AGMO: variants seen among roughly 807,000 people sequenced by gnomAD.
AGMO encodes the protein alkylglycerol monooxygenase.
AGMO carries 75 observed loss-of-function variants against 60.2 expected under a neutral mutation model. That is an observed-to-expected ratio of 1.25 (90% CI 1.03 to 1.51). The LOEUF (loss-of-function observed/expected upper bound fraction) is 1.51, where lower values mean the gene tolerates loss of function less well. Among genes scored for constraint, AGMO ranks in the 40% most tolerant of loss-of-function variants. AGMO has a pLI of 0.00. For missense variants in AGMO, 763 were observed against 525.5 expected (o/e 1.45, Z -4.42); for synonymous variants, 261 against 177.1 (o/e 1.47, Z -3.76).
chr7:15,218,063 T>G (rs1369486951), intron 12 of AGMO, among the ~76,000 whole-genome samples: 1 of 151,964 alleles, frequency 6.6e-6, no homozygotes, highest in Non-Finnish European at 1.5e-5. Flanking sequence ...AATTATTAAA[T>G]TTATCAATAA....
chr7:15,291,739 T>C (rs1425949668), intron 12 of AGMO, among the ~76,000 whole-genome samples: 4 of 152,082 alleles, frequency 2.6e-5, no homozygotes, highest in South Asian at 2.1e-4. Flanking sequence ...GATGAACATA[T>C]AAATGCATCG....
Position 15,394,134 on chromosome 7 carries a change from T to C in AGMO, c.655A>G (p.Ser219Gly). ...GPLELILNTP[S>G]HHRVHHGRNR... is the part of the protein sequence containing the mutation. ...TTACCATGATGAACCCTATGATGGC[T>C]AGGAGTATTAAGAATCAGTTCCAAA... Residue 219 changes from serine to glycine, a missense_variant, in exon 6 of 13, where the codon AGC (serine) becomes GGC (glycine). Coordinates refer to ENST00000342526, the MANE Select transcript of AGMO (RefSeq NM_001004320.2). 1 of 1,612,168 alleles carries C rather than the reference T, an allele frequency of 6.2e-7. No homozygotes were observed. The highest frequency in any genetic ancestry group is 2.2e-5 in the East Asian group (1 of 44,826).
At chr7:15,405,966 A>G (rs1784673850) in intron 5 of AGMO, among the ~76,000 whole-genome samples, 1 of 151,872 alleles carries the variant, frequency 6.6e-6, no homozygotes, top group Admixed American at 6.6e-5. Context: ...TTGGCAAATT[A>G]ATTTCCATCA....
At chr7:15,543,754 C>A (rs1335091816) in intron 3 of AGMO, among the ~76,000 whole-genome samples, 2 of 151,820 alleles carry the variant, frequency 1.3e-5, no homozygotes, top group Non-Finnish European at 2.9e-5. Context: ...GTATCTTTTT[C>A]ATATAATGAT....
intron 3 of AGMO, among the ~76,000 whole-genome samples, chr7:15,509,425 T>C: frequency 6.6e-6 from 1 of 151,154 alleles, no homozygotes; most frequent in East Asian, 1.9e-4. Context: ...TACACAAAAA[T>C]ATCAATTTAA....
At chr7:15,358,503 G>A (rs1782630901) in intron 12 of AGMO, 6 of 461,830 alleles carry the variant, frequency 1.3e-5, no homozygotes, top group South Asian at 8.0e-5. Flanking sequence ...AGTCAGAACT[G>A]TGAATTAGGA....
At chr7:15,149,103 C>A in the AGMO span, among the ~76,000 whole-genome samples, 2 of 152,014 alleles carry the variant, frequency 1.3e-5, no homozygotes, top group Non-Finnish European at 2.9e-5. Flanking sequence ...ATGCATTTTC[C>A]ATGTATATGT....
At chr7:15,121,924 TAA>T in the AGMO span, among the ~76,000 whole-genome samples, 1 of 152,146 alleles carries the variant, frequency 6.6e-6, no homozygotes, top group African/African-American at 2.4e-5. Context: ...GTTAAAGGCT[TAA>T]ATGTAAAACC....
At chr7:15,470,942 G>A (rs939348173) in intron 3 of AGMO, among the ~76,000 whole-genome samples, 1 of 151,792 alleles carries the variant, frequency 6.6e-6, no homozygotes, top group Non-Finnish European at 1.5e-5. Context: ...GCCCTAAGTT[G>A]TATAGTTTTT....
chr7:15,335,058 T>A (rs890327935), intron 12 of AGMO, among the ~76,000 whole-genome samples: 21 of 152,144 alleles, frequency 1.4e-4, no homozygotes, highest in African/African-American at 5.1e-4. Context: ...AGACTCACAT[T>A]TGTATGGCTT....
intron 12 of AGMO, among the ~76,000 whole-genome samples, chr7:15,345,247 GT>G (rs1385181345): frequency 7.2e-5 from 11 of 152,182 alleles, no homozygotes; most frequent in African/African-American, 2.2e-4. Flanking sequence ...AATTTTTCTA[GT>G]TTTTTTCTCT....
chr7:15,232,319 C>T lies in AGMO; in HGVS notation c.1264-30960G>A, dbSNP rs1782284930. 1.3e-5 allele frequency among the ~76,000 whole-genome samples: 2 copies of T among 152,176 alleles called. 1 individual carries two copies. Among genetic ancestry groups the T allele is most frequent in the Non-Finnish European group, 2.9e-5 (2 of 68,038 alleles). ...ATTTTAGGAAACAGGGCTTGTGAAG[C>T]TAAGTGACTTGCACAAGGTCATAGC... On this transcript the variant is annotated intron_variant, in intron 12 of 12. Coordinates refer to ENST00000342526, the MANE Select transcript of AGMO (RefSeq NM_001004320.2).
chr7:15,308,798 A>G lies in AGMO; in HGVS notation c.1263+56716T>C, dbSNP rs180692180. 3.3e-5 allele frequency among the ~76,000 whole-genome samples: 5 copies of G among 152,276 alleles called. No individual in the cohort carries two copies. In the East Asian group the frequency reaches 9.6e-4, roughly 29 times the overall value. ...GGCCTTCACATAACTCTTGGAAGCC[A>G]CCAGTGTTTTTTACATATTGTGGAT... On this transcript the variant is annotated intron_variant, in intron 12 of 12. Coordinates refer to ENST00000342526, the MANE Select transcript of AGMO (RefSeq NM_001004320.2).
intron 10 of AGMO, among the ~76,000 whole-genome samples, chr7:15,377,570 T>C (rs1204274739): frequency 2.6e-5 from 4 of 152,070 alleles, no homozygotes; most frequent in African/African-American, 4.8e-5. Context: ...TAAGTCTCCA[T>C]CTTTTGTTTC....
rs538237870 is a variant in AGMO, at chr7:15,289,403, C to A, written c.1263+76111G>T. ...AAAAAAGTAGGTACATTTTTAAAAA[C>A]AATATTTAATCAAATATGCTTATAG... On this transcript the variant is annotated intron_variant, in intron 12 of 12. Coordinates refer to ENST00000342526, the MANE Select transcript of AGMO (RefSeq NM_001004320.2). Among the ~76,000 whole-genome samples the A allele has an allele frequency of 1.0e-3, 158 of 152,030 alleles. 1 individual carries two copies. Among genetic ancestry groups the A allele is most frequent in the Admixed American group, 1.7e-3 (26 of 15,272 alleles).
chr7:15,482,552 A>G (rs895698574), intron 3 of AGMO, among the ~76,000 whole-genome samples: 1 of 152,200 alleles, frequency 6.6e-6, no homozygotes, highest in Non-Finnish European at 1.5e-5. Context: ...TTGTTTCACA[A>G]CTGAATTACC....
chr7:15,151,401 T>C, the AGMO span, among the ~76,000 whole-genome samples: 8 of 152,072 alleles, frequency 5.3e-5, no homozygotes, highest in African/African-American at 1.9e-4. Flanking sequence ...TAAGTTCCCC[T>C]AGGTGTGATG....
intron 12 of AGMO, among the ~76,000 whole-genome samples, chr7:15,345,531 T>A (rs1782003095): frequency 6.6e-6 from 1 of 152,202 alleles, no homozygotes. Flanking sequence ...GACATAGCAT[T>A]TTTCAAACTC....
the AGMO span, among the ~76,000 whole-genome samples, chr7:15,162,368 G>T: frequency 3.3e-5 from 5 of 152,136 alleles, no homozygotes; most frequent in African/African-American, 1.2e-4. Flanking sequence ...TCATAGGTTT[G>T]CTATGCCATT....
Sources: gnomAD v4.1 joint callset for allele counts (sites outside exome capture counted in the v4.1 genomes callset) on GRCh38, gnomAD v4.1.1 for gene constraint, MANE v1.5 for transcripts, NCBI Gene and HGNC (gene_info 2026-07-23, HGNC 2026-07-21) for gene names.